The following OCA2 variants were observed in gnomAD, a reference collection of about 807,000 sequenced individuals.
OCA2 encodes OCA2 melanosomal transmembrane protein.
OCA2 carries 77 observed loss-of-function variants against 100.2 expected under a neutral mutation model. The ratio of observed to expected loss-of-function variants is 0.77; its 90% CI spans 0.64 to 0.93. The LOEUF is 0.93. Among genes scored for constraint, OCA2 ranks in the 40% least tolerant of loss-of-function variants. The pLI is 0.00. For synonymous variants in OCA2, 432 were observed against 439.2 expected, an observed-to-expected ratio of 0.98 and a Z score of 0.21; for missense variants, 1,062 against 1,089.1, an observed-to-expected ratio of 0.98 and a Z score of 0.35.
intron 14 of OCA2, among the ~76,000 whole-genome samples, chr15:27,976,735 A>AT (rs1295805255): frequency 2.0e-5 from 3 of 152,188 alleles, no homozygotes; most frequent in African/African-American, 4.8e-5. Flanking sequence ...TCTAGTTCAC[A>AT]TATCAAGGCC....
Position 27,838,017 on chromosome 15 carries a change from C to T in OCA2, c.2432+6942G>A, listed in dbSNP as rs558083403. 6.6e-5 allele frequency among the ~76,000 whole-genome samples: 10 copies of T among 152,246 alleles called. No homozygotes were observed. In the South Asian group the frequency reaches 1.5e-3, roughly 22 times the overall value. On this transcript the variant is annotated intron_variant, in intron 23 of 23. Transcript: ENST00000354638. ...GCCACCCTGTCCACAAGTACATAGC[C>T]GAAAGCTGACTGCCCCGTGCAAGGC...
intron 9 of OCA2, among the ~76,000 whole-genome samples, chr15:28,004,011 C>T (rs750523033): frequency 2.6e-5 from 4 of 152,238 alleles, no homozygotes; most frequent in Non-Finnish European, 4.4e-5. Flanking sequence ...GCGGAAACAC[C>T]GTCCAGCCGC....
chr15:27,954,705 AAC>A (rs1393051557), intron 17 of OCA2, among the ~76,000 whole-genome samples: 1 of 151,780 alleles, frequency 6.6e-6, no homozygotes, highest in Non-Finnish European at 1.5e-5. Flanking sequence ...AGCCAAAAAA[AAC>A]AAAACAAAAG....
chr15:27,913,897 AAGCAAGCAAGCAAGCAAGC>A (rs2038546167), intron 19 of OCA2, among the ~76,000 whole-genome samples: 562 of 35,622 alleles, frequency 0.016, 48 homozygotes, highest in South Asian at 0.033. Context: ...GAAAGAAAGC[AAGCAAGCAAGCAAGCAAGC>A]AAGCAAGCAA....
At chr15:27,875,714 G>A (rs1162838081) in intron 19 of OCA2, among the ~76,000 whole-genome samples, 2 of 151,544 alleles carry the variant, frequency 1.3e-5, no homozygotes, top group Non-Finnish European at 2.9e-5. Flanking sequence ...GGTAATTTTT[G>A]GTATAGGAAT....
chr15:27,928,565 A>C (rs1215539811), intron 18 of OCA2, among the ~76,000 whole-genome samples: 1 of 152,046 alleles, frequency 6.6e-6, no homozygotes, highest in Non-Finnish European at 1.5e-5. Context: ...GCTCTAGGGG[A>C]GGATTTGTTT....
At chr15:27,914,743 C>T (rs2038598786) in intron 19 of OCA2, among the ~76,000 whole-genome samples, 1 of 152,076 alleles carries the variant, frequency 6.6e-6, no homozygotes, top group South Asian at 2.1e-4. Flanking sequence ...ACTTTCCATG[C>T]TCATGGATAA....
chr15:27,788,245 G>T (rs914082483), intron 23 of OCA2, among the ~76,000 whole-genome samples: 1 of 151,004 alleles, frequency 6.6e-6, no homozygotes, highest in Non-Finnish European at 1.5e-5. Context: ...TCAAGTAATT[G>T]CGAGTATTAC....
intron 18 of OCA2, among the ~76,000 whole-genome samples, chr15:27,932,001 G>A (rs2039268838): frequency 6.6e-6 from 1 of 152,202 alleles, no homozygotes; most frequent in African/African-American, 2.4e-5. Context: ...ATACAGATGG[G>A]AATGTAAGCA....
chr15:28,089,136 T>C (rs1264494796), intron 1 of OCA2, among the ~76,000 whole-genome samples: 2 of 152,230 alleles, frequency 1.3e-5, no homozygotes, highest in African/African-American at 4.8e-5. Context: ...AATATGGCTC[T>C]GTTCCTCCCG....
intron 23 of OCA2, among the ~76,000 whole-genome samples, chr15:27,785,607 A>T (rs1322819539): frequency 6.6e-6 from 1 of 152,238 alleles, no homozygotes; most frequent in African/African-American, 2.4e-5. Flanking sequence ...ATTGAAGATG[A>T]TGTGGGAAAA....
chr15:27,999,593 A>G (rs1215872866), intron 9 of OCA2, among the ~76,000 whole-genome samples: 2 of 152,234 alleles, frequency 1.3e-5, no homozygotes, highest in African/African-American at 4.8e-5. Flanking sequence ...TCTATTCAAC[A>G]TAGTACCAGA....
chr15:27,933,893 A>G (rs1396617244), intron 18 of OCA2, among the ~76,000 whole-genome samples: 3 of 152,168 alleles, frequency 2.0e-5, no homozygotes, highest in African/African-American at 7.2e-5. Flanking sequence ...CAGTGATGTA[A>G]TTAATGCCAC....
intron 21 of OCA2, among the ~76,000 whole-genome samples, chr15:27,869,633 C>T (rs1021292298): frequency 2.0e-5 from 3 of 152,306 alleles, no homozygotes; most frequent in Admixed American, 1.3e-4. Context: ...TGGGTGCAAA[C>T]CTCAGAGCCC....
chr15:27,894,951 A>G (rs2037625971), intron 19 of OCA2, among the ~76,000 whole-genome samples: 1 of 152,148 alleles, frequency 6.6e-6, no homozygotes, highest in African/African-American at 2.4e-5. Context: ...TTGCATATTT[A>G]AGGTTGGATT....
intron 23 of OCA2, among the ~76,000 whole-genome samples, chr15:27,796,214 A>C (rs904399049): frequency 1.3e-5 from 2 of 152,260 alleles, no homozygotes; most frequent in Non-Finnish European, 2.9e-5. Flanking sequence ...CTGGACATCC[A>C]TGCTAATTTA....
chr15:27,969,574 G>A (rs2040699196), intron 14 of OCA2, among the ~76,000 whole-genome samples: 1 of 152,168 alleles, frequency 6.6e-6, no homozygotes, highest in Non-Finnish European at 1.5e-5. Context: ...CTGCTTCAAG[G>A]TGCCACTTCT....
chr15:28,079,788 T>A (rs1231676863), intron 2 of OCA2, among the ~76,000 whole-genome samples: 1 of 151,602 alleles, frequency 6.6e-6, no homozygotes, highest in African/African-American at 2.4e-5. Flanking sequence ...GGCTGTGGGG[T>A]CAGGGCACCC....
chr15:27,844,672 T>G (rs531785457), intron 23 of OCA2, among the ~76,000 whole-genome samples: 4 of 152,254 alleles, frequency 2.6e-5, no homozygotes, highest in East Asian at 1.9e-4. Context: ...CTAATTTTTT[T>G]TGTGTTTTCA....
Sources: allele counts gnomAD v4.1 joint callset (sites outside exome capture counted in the v4.1 genomes callset), GRCh38; gene constraint gnomAD v4.1.1; transcripts MANE v1.5; gene names NCBI Gene and HGNC (gene_info 2026-07-23, HGNC 2026-07-21).